Variants in FARP1 observed in about 807,000 individuals in gnomAD.
The protein encoded by FARP1 is FERM, ARHGEF and pleckstrin domain-containing protein 1.
A neutral mutation model predicts 128.8 loss-of-function variants in FARP1; 52 were observed. That is an observed-to-expected ratio of 0.40 (90% confidence interval 0.32 to 0.51). The LOEUF (loss-of-function observed/expected upper bound fraction) is 0.51. FARP1 is among the 20% of genes least tolerant of loss of function. FARP1 has a pLI of 0.45. For missense variants in FARP1, 1,333 were observed against 1,367.9 expected, an observed-to-expected ratio of 0.97 and a Z score of 0.40; for synonymous variants, 580 against 551.8, an observed-to-expected ratio of 1.05 and a Z score of -0.72.
At chr13:98,273,386 G>C (rs1884479042) in intron 2 of FARP1, among the ~76,000 whole-genome samples, 1 of 152,194 alleles carries the variant, frequency 6.6e-6, no homozygotes, top group African/African-American at 2.4e-5. Context: ...CGAATCTTAT[G>C]ATCTCTAGTT....
intron 2 of FARP1, among the ~76,000 whole-genome samples, chr13:98,247,763 T>G (rs1883140644): frequency 6.6e-6 from 1 of 152,076 alleles, no homozygotes; most frequent in Admixed American, 6.5e-5. Flanking sequence ...TGGGAGCCGA[T>G]AAGAAAGTCC....
chr13:98,219,348 T>A (rs895662036), intron 2 of FARP1, among the ~76,000 whole-genome samples: 3 of 152,108 alleles, frequency 2.0e-5, no homozygotes, highest in African/African-American at 4.8e-5. Flanking sequence ...CTATATTTAT[T>A]TATTAAAAAG....
At chr13:98,442,850 C>T (rs997178233) in intron 24 of FARP1, among the ~76,000 whole-genome samples, 8 of 152,264 alleles carry the variant, frequency 5.3e-5, no homozygotes, top group African/African-American at 1.9e-4. Flanking sequence ...TTGCTTCGTC[C>T]TGACCTCAGC....
intron 2 of FARP1, among the ~76,000 whole-genome samples, chr13:98,310,391 A>G (rs1199179440): frequency 6.6e-6 from 1 of 152,246 alleles, no homozygotes; most frequent in East Asian, 1.9e-4. Context: ...AAGATGACAC[A>G]GACATCCTCA....
chr13:98,427,792 G>C (rs1227438626), intron 17 of FARP1, among the ~76,000 whole-genome samples: 3 of 152,216 alleles, frequency 2.0e-5, no homozygotes, highest in Non-Finnish European at 4.4e-5. Flanking sequence ...GGCATCTCAG[G>C]AGTGTGCTGA....
chr13:98,203,591 T>C (rs1420566506), intron 1 of FARP1, among the ~76,000 whole-genome samples: 1 of 152,234 alleles, frequency 6.6e-6, no homozygotes, highest in Non-Finnish European at 1.5e-5. Context: ...CATCTTTTTG[T>C]GGCAGAACAA....
chr13:98,368,744 GT>G (rs1889202501), intron 5 of FARP1, among the ~76,000 whole-genome samples: 1 of 152,114 alleles, frequency 6.6e-6, no homozygotes, highest in South Asian at 2.1e-4. Flanking sequence ...CTTGGCCAGA[GT>G]GGTTTTGAGG....
At chr13:98,237,236 G>A (rs144581922) in intron 2 of FARP1, among the ~76,000 whole-genome samples, 52 of 151,886 alleles carry the variant, frequency 3.4e-4, no homozygotes, top group Non-Finnish European at 6.5e-4. Context: ...CCTGGGATGC[G>A]GAGGTTGGAG....
chr13:98,436,730 G>T (rs1358243822), intron 19 of FARP1, among the ~76,000 whole-genome samples: 3 of 152,224 alleles, frequency 2.0e-5, no homozygotes, highest in Admixed American at 6.5e-5. Flanking sequence ...TTAGAGCTGG[G>T]ATGGCCTCAG....
At chr13:98,265,404 C>A (rs1302257539) in intron 2 of FARP1, among the ~76,000 whole-genome samples, 2 of 144,768 alleles carry the variant, frequency 1.4e-5, no homozygotes, top group Non-Finnish European at 3.0e-5. Flanking sequence ...ACTGCAAGCT[C>A]CGCCTCCCGG....
Position 98,435,183 on chromosome 13 carries a change from T to G in FARP1, c.2144-393T>G, listed in dbSNP as rs548910241. On this transcript the variant is annotated intron_variant, in intron 18 of 26. Transcript: ENST00000319562. ...AGGTGCTGACTTTGCTCCAGATTTT[T>G]CTATGGCCTCTTTGTGCTCACTGTG... Among the ~76,000 whole-genome samples, 8 of 152,290 alleles carry G rather than the reference T, an allele frequency of 5.3e-5. No individual in the cohort carries two copies. The South Asian group carries it at 1.7e-3, about 32-fold the overall frequency.
chr13:98,221,345 A>C (rs1194003408), intron 2 of FARP1, among the ~76,000 whole-genome samples: 2 of 152,176 alleles, frequency 1.3e-5, no homozygotes, highest in Non-Finnish European at 2.9e-5. Context: ...AAAGCACTTA[A>C]GAATAAAAAA....
At position 98,147,626 on chromosome 13, in the gene FARP1, G is replaced by C. The variant is rs532726848; in HGVS notation, c.-24+4134G>C. On this transcript the variant is annotated intron_variant, in intron 1 of 26. Coordinates refer to ENST00000319562, the MANE Select transcript of FARP1 (RefSeq NM_005766.4). ...TTCAGTTTTTGTTCTTGTTCATTCA[G>C]GATCTAGTATAGTATCTGAATATAG... Among the ~76,000 whole-genome samples the C allele has an allele frequency of 2.6e-5, 4 of 151,738 alleles. No individual in the cohort carries two copies. In the East Asian group the frequency reaches 7.7e-4, roughly 29 times the overall value.
In FARP1 at chr13:98,390,841, A is replaced by C; in HGVS notation, c.1049A>C (p.Tyr350Ser). The C allele has an allele frequency of 6.2e-7, 1 of 1,613,780 alleles. No homozygotes were observed. Among genetic ancestry groups the C allele is most frequent in the Middle Eastern group, 1.7e-4 (1 of 6,060 alleles). The change falls in exon 11 of 27, where the codon TAT (tyrosine) becomes TCT (serine). Residue 350 changes from tyrosine (Y) to serine (S), a missense_variant. By Grantham distance (144) the Tyr-to-Ser change is moderately radical (BLOSUM62 -2). Around this residue, in one of 2 missense-constraint regions of FARP1, gnomAD observed 1,009 missense variants for 969.8 expected, o/e 1.04. Coordinates refer to ENST00000319562, the MANE Select transcript of FARP1 (RefSeq NM_005766.4). ...SGRTQKQVLD[Y>S]VKEGGHKKVQ... ...CGGACTCAGAAGCAGGTTCTCGACT[A>C]TGTTAAAGAAGGAGGACATAAGAAG...
At chr13:98,366,930 AATTAGT>A (rs1889112202) in intron 4 of FARP1, among the ~76,000 whole-genome samples, 1 of 152,066 alleles carries the variant, frequency 6.6e-6, no homozygotes, top group African/African-American at 2.4e-5. Context: ...TATAATACAT[AATTAGT>A]ATTTGTATAT....
At chr13:98,152,875 C>T (rs766973575) in intron 1 of FARP1, among the ~76,000 whole-genome samples, 3 of 152,038 alleles carry the variant, frequency 2.0e-5, no homozygotes, top group Non-Finnish European at 2.9e-5. Flanking sequence ...ACATGAATTT[C>T]GCGTCCTTTT....
At chr13:98,206,803 T>A in intron 1 of FARP1, among the ~76,000 whole-genome samples, 1 of 152,206 alleles carries the variant, frequency 6.6e-6, no homozygotes, top group East Asian at 1.9e-4. Context: ...AATAAAGTAG[T>A]TTTGCAAGCA....
intron 18 of FARP1, 47 bp from the exon 19 acceptor site, chr13:98,435,529 C>T: frequency 1.3e-6 from 2 of 1,568,474 alleles, no homozygotes; most frequent in Non-Finnish European, 1.7e-6. Flanking sequence ...GGGGAAGACC[C>T]CTGCCTGCCT....
chr13:98,287,206 G>C (rs1302945253), intron 2 of FARP1, among the ~76,000 whole-genome samples: 1 of 87,756 alleles, frequency 1.1e-5, no homozygotes, highest in Admixed American at 1.2e-4. Flanking sequence ...CATCAGACAT[G>C]TCTTTTTTTT....
Sources: gnomAD v4.1 joint callset for allele counts (sites outside exome capture counted in the v4.1 genomes callset) on GRCh38, gnomAD v4.1.1 for gene constraint, gnomAD v4.1.1 regional missense constraint, MANE v1.5 for transcripts, NCBI Gene and HGNC (gene_info 2026-07-23, HGNC 2026-07-21) for gene names.